NDRG3: variants seen among roughly 807,000 people sequenced by gnomAD.
NDRG3 encodes the protein protein NDRG3.
A neutral mutation model predicts 57.2 loss-of-function variants in NDRG3; 23 were observed. The observed-to-expected ratio is 0.40, with a 90% CI of 0.29 to 0.57. The LOEUF (loss-of-function observed/expected upper bound fraction) is 0.57. NDRG3 is among the 20% of genes least tolerant of loss of function. The pLI, the probability that NDRG3 is intolerant of heterozygous loss-of-function variation, is 0.42. For synonymous variants in NDRG3, 132 were observed against 162.6 expected, an observed-to-expected ratio of 0.81 and a Z score of 1.43; for missense variants, 384 against 457.3, an observed-to-expected ratio of 0.84 and a Z score of 1.46.
chr20:36,668,255 A>G (rs77138251), intron 9 of NDRG3, among the ~76,000 whole-genome samples: 544 of 152,310 alleles, frequency 3.6e-3, no homozygotes, highest in Non-Finnish European at 4.8e-3. Flanking sequence ...AAACAAACAA[A>G]TAAACAGACT....
chr20:36,744,134 A>C (rs1346609561), intron 1 of NDRG3, among the ~76,000 whole-genome samples: 1 of 151,770 alleles, frequency 6.6e-6, no homozygotes, highest in East Asian at 2.0e-4. Context: ...CATCTCCCGA[A>C]CTCGTGATCC....
chr20:36,718,314 G>C (rs181233120), intron 2 of NDRG3, among the ~76,000 whole-genome samples: 1 of 152,320 alleles, frequency 6.6e-6, no homozygotes, highest in Admixed American at 6.5e-5. Context: ...CGAGAGCCAA[G>C]AGAGTTCTCA....
At chr20:36,716,048 T>G (rs1228226497) in intron 2 of NDRG3, among the ~76,000 whole-genome samples, 1 of 151,940 alleles carries the variant, frequency 6.6e-6, no homozygotes, top group African/African-American at 2.4e-5. Flanking sequence ...TAAGCCATGA[T>G]TGTGCCACTG....
At chr20:36,732,748 G>A (rs1985354791) in intron 1 of NDRG3, among the ~76,000 whole-genome samples, 1 of 152,122 alleles carries the variant, frequency 6.6e-6, no homozygotes, top group Non-Finnish European at 1.5e-5. Context: ...ATAAGCAGGA[G>A]GGTACACTTG....
chr20:36,670,343 G>A (rs933257889), intron 9 of NDRG3, among the ~76,000 whole-genome samples: 13 of 152,170 alleles, frequency 8.5e-5, no homozygotes, highest in Admixed American at 5.2e-4. Context: ...TAAAGTGGTT[G>A]CCACTAAAAA....
At chr20:36,675,008 C>T (rs1263216668) in intron 8 of NDRG3, among the ~76,000 whole-genome samples, 1 of 149,736 alleles carries the variant, frequency 6.7e-6, no homozygotes, top group East Asian at 1.9e-4. Context: ...ATTCTTCCCA[C>T]CTCAGCTTAC....
At chr20:36,687,718 C>T in intron 4 of NDRG3, 106 bp from the exon 5 acceptor site, 1 of 1,323,038 alleles carries the variant, frequency 7.6e-7, no homozygotes, top group Non-Finnish European at 1.0e-6. Flanking sequence ...TTTTTAACCA[C>T]CATTCCACCA....
intron 13 of NDRG3, among the ~76,000 whole-genome samples, chr20:36,659,394 T>C (rs973912699): frequency 1.3e-5 from 2 of 151,766 alleles, no homozygotes; most frequent in Non-Finnish European, 1.5e-5. Flanking sequence ...TCCCAAAGTG[T>C]TGGGATTATA....
chr20:36,743,841 A>AAAACAAAC (rs1986044856), intron 1 of NDRG3, among the ~76,000 whole-genome samples: 1 of 151,738 alleles, frequency 6.6e-6, no homozygotes, highest in Non-Finnish European at 1.5e-5. Flanking sequence ...AAACAAACAA[A>AAAACAAAC]AAACAAACAA....
intron 15 of NDRG3, 77 bp downstream of exon 15, chr20:36,656,283 A>G: frequency 7.0e-7 from 1 of 1,432,110 alleles, no homozygotes; most frequent in Admixed American, 1.8e-5. Flanking sequence ...TATCTCAAGA[A>G]TTGTGGGCTC....
chr20:36,663,887 T>A (rs554187491), intron 12 of NDRG3, among the ~76,000 whole-genome samples: 1 of 152,298 alleles, frequency 6.6e-6, no homozygotes, highest in East Asian at 1.9e-4. Context: ...CTTGGCTCAC[T>A]GCAGTCTCTG....
intron 5 of NDRG3, among the ~76,000 whole-genome samples, chr20:36,686,878 T>C (rs1981828782): frequency 6.6e-6 from 1 of 152,068 alleles, no homozygotes; most frequent in Non-Finnish European, 1.5e-5. Context: ...ACAGGTTTTT[T>C]TGTTTGTTTG....
At chr20:36,732,619 C>T (rs991954847) in intron 1 of NDRG3, among the ~76,000 whole-genome samples, 3 of 152,088 alleles carry the variant, frequency 2.0e-5, no homozygotes, top group Non-Finnish European at 2.9e-5. Context: ...TCCTGAAGCT[C>T]CCTGTAGAAG....
chr20:36,687,720 A>G (rs1055484939), intron 4 of NDRG3, 108 bp from the exon 5 acceptor site: 10 of 1,315,092 alleles, frequency 7.6e-6, no homozygotes, highest in East Asian at 7.5e-5. Context: ...TTTAACCACC[A>G]TTCCACCAAA....
intron 1 of NDRG3, among the ~76,000 whole-genome samples, chr20:36,734,361 G>A (rs1985501921): frequency 6.6e-6 from 1 of 152,222 alleles, no homozygotes; most frequent in African/African-American, 2.4e-5. Flanking sequence ...AAGACTGAGA[G>A]TGAAAAGAAG....
At chr20:36,689,941 C>G (rs1157316228) in intron 3 of NDRG3, among the ~76,000 whole-genome samples, 1 of 151,778 alleles carries the variant, frequency 6.6e-6, no homozygotes. Context: ...AGGATGGTCT[C>G]GATCTCCTGA....
rs138727140 is a variant in NDRG3, at chr20:36,710,580, G to A, written c.58-3573C>T. Reference sequence around the variant, plus strand: ...TCCCAGCACTTTGGGAAGCCGAGGCGGATAGATCATGAGGTCAGGAGTTCA... The same window carrying A: ...TCCCAGCACTTTGGGAAGCCGAGGCAGATAGATCATGAGGTCAGGAGTTCA... On this transcript the variant is annotated intron_variant, in intron 2 of 15. Transcript: ENST00000349004. Among the ~76,000 whole-genome samples, 1,006 of 152,184 alleles carry A rather than the reference G, an allele frequency of 6.6e-3. 9 individuals carry two copies. Among genetic ancestry groups the A allele is most frequent in the African/African-American group, 0.022 (910 of 41,518 alleles).
In NDRG3 at chr20:36,653,731, A is replaced by C. The variant is rs1978414272; in HGVS notation, c.947-30T>G. The C allele has an allele frequency of 6.3e-7, 1 of 1,598,656 alleles. No individual in the cohort carries two copies. Among genetic ancestry groups the C allele is most frequent in the South Asian group, 1.1e-5 (1 of 90,466 alleles). Reference sequence around the variant, plus strand: ...AACAGAGAACCAAGGGGACTAGAAGATGAAGCCCCGGTTAAGCCCAGCTAA... The same window carrying C: ...AACAGAGAACCAAGGGGACTAGAAGCTGAAGCCCCGGTTAAGCCCAGCTAA... On this transcript the variant is annotated intron_variant, in intron 15 of 15. Coordinates refer to ENST00000349004, the MANE Select transcript of NDRG3 (RefSeq NM_032013.4). The surrounding 1 kb of genome is among the most constrained non-coding windows in gnomAD (Gnocchi z 4.2).
intron 1 of NDRG3, among the ~76,000 whole-genome samples, chr20:36,732,635 C>G (rs1357713468): frequency 6.6e-6 from 1 of 152,122 alleles, no homozygotes; most frequent in Non-Finnish European, 1.5e-5. Flanking sequence ...AGAAGTAGTA[C>G]TTCACATTCC....
Sources: allele counts gnomAD v4.1 joint callset (sites outside exome capture counted in the v4.1 genomes callset), GRCh38; gene constraint gnomAD v4.1.1; non-coding constraint Gnocchi (gnomAD v3.1); transcripts MANE v1.5; gene names NCBI Gene and HGNC (gene_info 2026-07-23, HGNC 2026-07-21).